Variants in LNX1 observed in about 807,000 individuals in gnomAD.
The protein encoded by LNX1 is ligand of numb-protein X 1.
LNX1 carries 54 observed loss-of-function variants against 68.4 expected under a neutral mutation model. That is an observed-to-expected ratio of 0.79 (90% CI 0.63 to 0.99). The LOEUF is 0.99. LNX1 is among the 50% of genes least tolerant of loss of function. The probability of loss-of-function intolerance (pLI) is 0.00; values close to 1 mark genes in which losing one functional copy is unlikely to be tolerated. For missense variants in LNX1, 906 were observed against 926.4 expected (o/e 0.98, Z 0.29); for synonymous variants, 336 against 350.0 (o/e 0.96, Z 0.45).
chr4:53,511,109 T>C (rs1362135634), intron 2 of LNX1, among the ~76,000 whole-genome samples: 2 of 152,092 alleles, frequency 1.3e-5, no homozygotes, highest in Admixed American at 6.6e-5. Flanking sequence ...CTGGGGAGGG[T>C]GCAGATTCTT....
intron 2 of LNX1, among the ~76,000 whole-genome samples, chr4:53,606,635 C>A (rs1306794280): frequency 6.6e-6 from 1 of 152,078 alleles, no homozygotes; most frequent in African/African-American, 2.4e-5. Flanking sequence ...ATATCAAAAC[C>A]TGGCAGACAT....
intron 2 of LNX1, among the ~76,000 whole-genome samples, chr4:53,569,421 C>A (rs1730969298): frequency 7.6e-6 from 1 of 131,350 alleles, no homozygotes; most frequent in Non-Finnish European, 1.6e-5. Context: ...GAAAGGATTC[C>A]CTATTTAATA....
At chr4:53,572,997 C>A (rs1220632482) in intron 2 of LNX1, among the ~76,000 whole-genome samples, 1 of 152,170 alleles carries the variant, frequency 6.6e-6, no homozygotes, top group Non-Finnish European at 1.5e-5. Flanking sequence ...ACTGGGGCAC[C>A]TTTTTTTCCT....
intron 2 of LNX1, among the ~76,000 whole-genome samples, chr4:53,544,145 A>C (rs977648063): frequency 1.3e-5 from 2 of 152,130 alleles, no homozygotes; most frequent in African/African-American, 4.8e-5. Flanking sequence ...TAGGTGTTTG[A>C]GAGCAGTACA....
intron 1 of LNX1, among the ~76,000 whole-genome samples, chr4:53,646,402 T>C (rs182313928): frequency 3.3e-5 from 5 of 152,340 alleles, no homozygotes; most frequent in African/African-American, 1.2e-4. Flanking sequence ...GCTTTATTCA[T>C]ATCCTCTAAC....
intron 9 of LNX1, among the ~76,000 whole-genome samples, chr4:53,463,847 A>G (rs1722407812): frequency 6.6e-6 from 1 of 152,026 alleles, no homozygotes; most frequent in Admixed American, 6.6e-5. Context: ...ATTTCCCCTT[A>G]TATTACTAAT....
At chr4:53,570,480 C>G (rs1731067504) in intron 2 of LNX1, among the ~76,000 whole-genome samples, 1 of 118,320 alleles carries the variant, frequency 8.5e-6, no homozygotes, top group African/African-American at 3.3e-5. Context: ...CACATGGACA[C>G]AGGAAGGGGA....
rs1383268398 is a variant in LNX1, at chr4:53,512,288, G to A, written c.381-4061C>T. Among the ~76,000 whole-genome samples, 4 of 150,314 alleles carry A rather than the reference G, an allele frequency of 2.7e-5. No homozygotes were observed. In the East Asian group the frequency reaches 5.9e-4, roughly 22 times the overall value. On this transcript the variant is annotated intron_variant, in intron 2 of 10. Transcript: ENST00000263925. ...AGATGGTAGCAAGATTTTAAGATTC[G>A]AAAATCTTAAAAACACTGTGTGGTC...
At chr4:53,524,418 C>G (rs955803329) in intron 2 of LNX1, 7 of 152,120 alleles carry the variant, frequency 4.6e-5, no homozygotes, top group Non-Finnish European at 8.8e-5. Context: ...TACTCGCCTC[C>G]AAATCTGAGG....
intron 1 of LNX1, chr4:53,575,948 A>G: frequency 6.4e-7 from 1 of 1,567,164 alleles, no homozygotes; most frequent in South Asian, 1.2e-5. Context: ...AACCTGCCGC[A>G]GGAGTGGCTG....
chr4:53,600,886 AC>A (rs1348958491), intron 2 of LNX1, among the ~76,000 whole-genome samples: 1 of 146,054 alleles, frequency 6.8e-6, no homozygotes, highest in Non-Finnish European at 1.5e-5. Flanking sequence ...GCCCACCACC[AC>A]ACCTGGCTAA....
intron 2 of LNX1, among the ~76,000 whole-genome samples, chr4:53,532,544 C>G (rs1418944117): frequency 6.6e-6 from 1 of 152,158 alleles, no homozygotes. Context: ...CATAAAGACC[C>G]TGCAAAAGGC....
rs191585206 is a variant in LNX1 at position 53,468,213 on chromosome 4, C to T, written c.1893-6620G>A. Among the ~76,000 whole-genome samples the T allele has an allele frequency of 3.1e-3, 474 of 152,278 alleles. 2 individuals carry two copies. The highest frequency in any genetic ancestry group is 5.9e-3 in the Non-Finnish European group (398 of 68,026). On this transcript the variant is annotated intron_variant, in intron 9 of 10. Coordinates refer to ENST00000263925, the MANE Select transcript of LNX1 (RefSeq NM_001126328.3). The stretch of plus-strand genomic sequence containing the variant: ...AACATCCTTAAAAGAAAAGAATTTT[C>T]AACCCAGAATTTCATATCCAGCCAA...
At chr4:53,555,287 C>T (rs1371103128) in intron 2 of LNX1, among the ~76,000 whole-genome samples, 1 of 152,152 alleles carries the variant, frequency 6.6e-6, no homozygotes, top group African/African-American at 2.4e-5. Flanking sequence ...TTGGTGACAA[C>T]CACAGCCAGC....
intron 1 of LNX1, among the ~76,000 whole-genome samples, chr4:53,633,798 G>A (rs1467488221): frequency 6.6e-6 from 1 of 152,176 alleles, no homozygotes; most frequent in South Asian, 2.1e-4. Flanking sequence ...ACTAAGATGA[G>A]AGTTTACAGC....
At chr4:53,536,454 A>C (rs1337922829) in intron 2 of LNX1, among the ~76,000 whole-genome samples, 1 of 152,182 alleles carries the variant, frequency 6.6e-6, no homozygotes, top group Non-Finnish European at 1.5e-5. Context: ...CTAGATCACC[A>C]GCAACTCCTG....
chr4:53,651,305 C>G (rs1735087606), intron 1 of LNX1, among the ~76,000 whole-genome samples: 1 of 152,220 alleles, frequency 6.6e-6, no homozygotes, highest in African/African-American at 2.4e-5. Context: ...CCATCCTGCT[C>G]TGCACTGCGT....
intron 1 of LNX1, among the ~76,000 whole-genome samples, chr4:53,579,989 A>C (rs1182659953): frequency 6.6e-6 from 1 of 152,190 alleles, no homozygotes; most frequent in African/African-American, 2.4e-5. Context: ...ATGAAAAAGA[A>C]TCCTTCTTTA....
At chr4:53,632,957 T>C (rs1319313823) in intron 1 of LNX1, among the ~76,000 whole-genome samples, 1 of 152,244 alleles carries the variant, frequency 6.6e-6, no homozygotes, top group Non-Finnish European at 1.5e-5. Flanking sequence ...CTTTTGTAGG[T>C]TCTACTTCTA....
Sources: gnomAD v4.1 joint callset for allele counts (sites outside exome capture counted in the v4.1 genomes callset) on GRCh38, gnomAD v4.1.1 for gene constraint, MANE v1.5 for transcripts, NCBI Gene and HGNC (gene_info 2026-07-23, HGNC 2026-07-21) for gene names.